The following RPGRIP1 variants were observed in gnomAD, a reference collection of about 807,000 sequenced individuals.
RPGRIP1 encodes the protein X-linked retinitis pigmentosa GTPase regulator-interacting protein 1.
Under a neutral mutation model 157.9 loss-of-function variants are expected in RPGRIP1, and 128 were observed. That is an observed-to-expected ratio of 0.81 (90% CI 0.70 to 0.94). RPGRIP1 has a LOEUF of 0.94. Among genes scored for constraint, RPGRIP1 ranks in the 40% least tolerant of loss-of-function variants. The pLI, the probability that RPGRIP1 is intolerant of heterozygous loss-of-function variation, is 0.00. For missense variants in RPGRIP1, 1,486 were observed against 1,545.8 expected (o/e 0.96, Z 0.65); for synonymous variants, 554 against 571.6 (o/e 0.97, Z 0.44).
Position 21,317,739 on chromosome 14 carries a change from A to G in RPGRIP1, c.1195A>G (p.Asn399Asp). Residue 399 changes from asparagine (N) to aspartate (D), a missense_variant, in exon 11 of 25, where the codon AAC (asparagine) becomes GAC (aspartate). By Grantham distance (23) the Asn-to-Asp change is conservative (BLOSUM62 1). Transcript: ENST00000400017. The part of the protein sequence containing the change: ...SDSSSQPHWS[N>D]ELIAEQLQQQ... ...CAGCTCCAGTCAGCCCCACTGGAGC[A>G]ACGAGCTCATAGCGGAACAGCTACA... 6.3e-7 allele frequency: 1 copy of G among 1,591,228 alleles called. No individual in the cohort carries two copies. Among genetic ancestry groups the G allele is most frequent in the Non-Finnish European group, 8.6e-7 (1 of 1,168,832 alleles).
At chr14:21,347,404 C>A (rs1885674682) in intron 23 of RPGRIP1, among the ~76,000 whole-genome samples, 1 of 152,210 alleles carries the variant, frequency 6.6e-6, no homozygotes, top group African/African-American at 2.4e-5. Flanking sequence ...ATGAGGGAGT[C>A]AGCATTATCA....
intron 1 of RPGRIP1, among the ~76,000 whole-genome samples, chr14:21,281,818 G>T (rs1275202427): frequency 6.6e-6 from 1 of 151,792 alleles, no homozygotes; most frequent in South Asian, 2.1e-4. Context: ...AAGAAGTCTG[G>T]GCAGGGTGGC....
At chr14:21,348,847 G>T (rs1271816897) in intron 24 of RPGRIP1, among the ~76,000 whole-genome samples, 1 of 151,676 alleles carries the variant, frequency 6.6e-6, no homozygotes. Flanking sequence ...TTTTAGTAGA[G>T]ACCGTGTTTT....
Position 21,321,865 on chromosome 14 carries a change from G to T in RPGRIP1, c.1623G>T (p.Glu541Asp). ...TTATTTTGTTTCAGGAGGAACTGGA[G>T]GCAATGATGACAAAAGCTGACAATG... ...KINVCYQEEL[E>D]AMMTKADNDN... Residue 541 changes from glutamate to aspartate, a missense_variant, in exon 14 of 25, where the codon GAG becomes GAT. Glu to Asp is a conservative substitution (Grantham distance 45). Transcript: ENST00000400017. The T allele has an allele frequency of 6.2e-7, 1 of 1,612,432 alleles. No homozygotes were observed. The highest frequency in any genetic ancestry group is 1.1e-5 in the South Asian group (1 of 90,718).
At chr14:21,321,638 T>G in intron 13 of RPGRIP1, 1 of 1,005,458 alleles carries the variant, frequency 9.9e-7, no homozygotes, top group African/African-American at 1.6e-5. Context: ...GCGTAAGGCT[T>G]CTGGGTTCAA....
chr14:21,324,008 A>G (rs1286969182), intron 14 of RPGRIP1: 4 of 156,888 alleles, frequency 2.5e-5, no homozygotes, highest in African/African-American at 4.8e-5. Flanking sequence ...CCCACTGCCA[A>G]TATTTCCTAC....
chr14:21,330,407 A>G lies in RPGRIP1; in HGVS notation c.3238+20A>G. ...TAAATGGTATTGTCTTTTAAAATCT[A>G]TTTTTTTTCCTAGCACTTTGGGAGG... On this transcript the variant is annotated intron_variant, in intron 20 of 24. Coordinates refer to ENST00000400017, the MANE Select transcript of RPGRIP1 (RefSeq NM_020366.4). The G allele has an allele frequency of 1.4e-6, 2 of 1,454,600 alleles. No individual in the cohort carries two copies. Among genetic ancestry groups the G allele is most frequent in the South Asian group, 1.6e-5 (1 of 64,360 alleles). The allele number at this position is 1,454,600 out of a possible 1,614,324, so 90.1% of individuals were successfully genotyped here.
intron 12 of RPGRIP1, among the ~76,000 whole-genome samples, chr14:21,320,761 G>C (rs554406556): frequency 4.6e-5 from 7 of 151,502 alleles, no homozygotes; most frequent in African/African-American, 1.7e-4. Flanking sequence ...CACCACAGCC[G>C]GCTAATTTTT....
At chr14:21,331,120 G>T (rs1178380012) in intron 20 of RPGRIP1, among the ~76,000 whole-genome samples, 1 of 151,736 alleles carries the variant, frequency 6.6e-6, no homozygotes, top group Non-Finnish European at 1.5e-5. Context: ...TGTTGGTCAG[G>T]CTGGTCTCAA....
chr14:21,299,303 ATT>A (rs879754554), intron 3 of RPGRIP1, among the ~76,000 whole-genome samples: 2 of 145,394 alleles, frequency 1.4e-5, no homozygotes, highest in African/African-American at 2.5e-5. Context: ...CAAAGGGCCG[ATT>A]TTTTTTTTTT....
chr14:21,290,828 A>AC (rs1880498279), intron 2 of RPGRIP1, among the ~76,000 whole-genome samples: 1 of 150,922 alleles, frequency 6.6e-6, no homozygotes, highest in Non-Finnish European at 1.5e-5. Flanking sequence ...CAAAAAAAAA[A>AC]AAAAGGAAAG....
chr14:21,321,608 C>A (rs1882479016), intron 13 of RPGRIP1: 2 of 1,142,660 alleles, frequency 1.8e-6, no homozygotes, highest in Non-Finnish European at 2.4e-6. Flanking sequence ...AGTGATGGGG[C>A]CAGCCCATGC....
chr14:21,282,606 T>A (rs1880171230), intron 1 of RPGRIP1, among the ~76,000 whole-genome samples: 3 of 64,140 alleles, frequency 4.7e-5, no homozygotes, highest in Admixed American at 1.7e-4. Flanking sequence ...CTACATTCCA[T>A]TTTTTTTTTT....
rs997853029 is a variant in RPGRIP1, at chr14:21,348,100, C to T, written c.3618-72C>T. On this transcript the variant is annotated intron_variant, in intron 23 of 24. Transcript: ENST00000400017. The stretch of plus-strand genomic sequence containing the variant: ...GAAGACGTTGTATTGTTTATGATTA[C>T]TTTTATCCTTATTTTATTTTTGAAG... 4.8e-6 allele frequency: 6 copies of T among 1,252,694 alleles called. No individual in the cohort carries two copies. In the African/African-American group the frequency reaches 9.4e-5, roughly 20 times the overall value. 77.6% of individuals were successfully genotyped at this position (1,252,694 alleles called of 1,614,324 possible). A position where few individuals can be genotyped will look rare whatever the true frequency, so the allele number is the denominator to read the frequency against.
rs544010085 is a variant in RPGRIP1 at position 21,328,681 on chromosome 14, T to C, written c.3099+54T>C. On this transcript the variant is annotated intron_variant, in intron 19 of 24. Transcript: ENST00000400017. ...AATTGTGGGTTGTAGTGTCCCCAGATGTATTATTCTCAGAGGTAGAAGCAG... is the reference window on the plus strand; with the variant it reads ...AATTGTGGGTTGTAGTGTCCCCAGACGTATTATTCTCAGAGGTAGAAGCAG... 149 of 1,237,830 alleles carry C rather than the reference T, an allele frequency of 1.2e-4. No individual in the cohort carries two copies. In the African/African-American group the frequency reaches 2.0e-3, roughly 17 times the overall value. 76.7% of individuals were successfully genotyped at this position (1,237,830 alleles called of 1,614,324 possible).
intron 11 of RPGRIP1, among the ~76,000 whole-genome samples, chr14:21,319,806 T>C (rs928999232): frequency 2.0e-5 from 3 of 152,198 alleles, no homozygotes; most frequent in African/African-American, 7.2e-5. Context: ...ATTCTGCAGG[T>C]GTCTTTTGTT....
Position 21,351,246 on chromosome 14 carries a change from C to A in RPGRIP1, c.*30C>A. 1 of 1,361,540 alleles carries A rather than the reference C, an allele frequency of 7.3e-7. No individual in the cohort carries two copies. Among genetic ancestry groups the A allele is most frequent in the Non-Finnish European group, 1.0e-6 (1 of 963,116 alleles). 84.3% of individuals were successfully genotyped at this position (1,361,540 alleles called of 1,614,324 possible). A position where few individuals can be genotyped will look rare whatever the true frequency, so the allele number is the denominator to read the frequency against. ...ACAAGTGCTATTCCAATCTAAAAGT[C>A]TCTGAGGGAACCATAGTAAAAAGTC... is the stretch of plus-strand genomic sequence containing the variant. On this transcript the variant is annotated 3_prime_UTR_variant, in exon 25 of 25. Transcript: ENST00000400017.
At position 21,301,704 on chromosome 14, in the gene RPGRIP1, TAATAATAATAATAATAATAAA is replaced by T. The variant is rs1477371313; in HGVS notation, c.490+470_490+490del. 1.1e-3 allele frequency among the ~76,000 whole-genome samples: 124 copies of T among 117,032 alleles called. 1 individual carries two copies. The highest frequency in any genetic ancestry group is 3.5e-3 in the African/African-American group (99 of 28,078). The allele number at this position is 117,032 out of a possible 152,430, so 76.8% of individuals were successfully genotyped here. A position where few individuals can be genotyped will look rare whatever the true frequency, so the allele number is the denominator to read the frequency against. On this transcript the variant is annotated intron_variant, in intron 4 of 24. Coordinates refer to ENST00000400017, the MANE Select transcript of RPGRIP1 (RefSeq NM_020366.4). ...ATAATAATAATAATAATAATAATAA[TAATAATAATAATAATAATAAA>T]AAATTAGCCAAGCCTGGTGGCACAT...
intron 3 of RPGRIP1, among the ~76,000 whole-genome samples, chr14:21,297,842 T>TTTCTTTCTTTCA (rs1880853589): frequency 6.8e-6 from 1 of 146,774 alleles, no homozygotes; most frequent in Non-Finnish European, 1.5e-5. Context: ...TTATTCTTTC[T>TTTCTTTCTTTCA]TTCTTTCTTT....
Sources: gnomAD v4.1 joint callset for allele counts (sites outside exome capture counted in the v4.1 genomes callset) on GRCh38, gnomAD v4.1.1 for gene constraint, MANE v1.5 for transcripts, NCBI Gene and HGNC (gene_info 2026-07-23, HGNC 2026-07-21) for gene names.